Variants in LRP1B observed in about 807,000 individuals in gnomAD.
LRP1B encodes LDL receptor related protein 1B.
In LRP1B, 217 loss-of-function variants were observed where a neutral mutation model predicts 556.6. The ratio of observed to expected loss-of-function variants is 0.39; its 90% CI spans 0.35 to 0.44. The LOEUF is 0.44. Among genes scored for constraint, LRP1B ranks in the 20% least tolerant of loss-of-function variants. The probability of loss-of-function intolerance (pLI) is 1.00; values close to 1 mark genes in which losing one functional copy is unlikely to be tolerated. For missense variants in LRP1B, 5,053 were observed against 5,620.8 expected (o/e 0.90, Z 3.23); for synonymous variants, 2,047 against 1,865.8 (o/e 1.10, Z -2.50).
chr2:141,358,069 T>G (rs1284676943), intron 3 of LRP1B, among the ~76,000 whole-genome samples: 2 of 152,226 alleles, frequency 1.3e-5, no homozygotes, highest in African/African-American at 4.8e-5. Flanking sequence ...TACTTCTGAA[T>G]AGGGTATCAA....
intron 2 of LRP1B, among the ~76,000 whole-genome samples, chr2:141,722,707 CAGAT>C (rs750365958): frequency 4.7e-5 from 7 of 149,912 alleles, no homozygotes; most frequent in African/African-American, 1.7e-4. Context: ...ACATATAAGA[CAGAT>C]AGACAGGCAG....
intron 58 of LRP1B, among the ~76,000 whole-genome samples, chr2:140,487,232 C>A (rs1464512176): frequency 6.6e-6 from 1 of 151,826 alleles, no homozygotes; most frequent in East Asian, 1.9e-4. Flanking sequence ...TAATTTCAAT[C>A]CACACTGTAA....
Position 141,796,150 on chromosome 2 carries a change from G to C in LRP1B, c.205+14129C>G, listed in dbSNP as rs1002186674. ...AATTCTCTCACTCTGTCAAATATCA[G>C]TCAATACCCAAAAGTTTAAAACAAA... On this transcript the variant is annotated intron_variant, in intron 2 of 90. Coordinates refer to ENST00000389484, the MANE Select transcript of LRP1B (RefSeq NM_018557.3). Among the ~76,000 whole-genome samples, 4 of 151,508 alleles carry C rather than the reference G, an allele frequency of 2.6e-5. No individual in the cohort carries two copies. The East Asian group carries it at 7.8e-4, about 29-fold the overall frequency.
chr2:141,494,291 A>G (rs1683439668), intron 2 of LRP1B, among the ~76,000 whole-genome samples: 1 of 152,166 alleles, frequency 6.6e-6, no homozygotes, highest in South Asian at 2.1e-4. Context: ...TTTGTGCTAG[A>G]ACTGACACTG....
rs1394766463 is a variant in LRP1B at position 141,879,300 on chromosome 2, A to C, written c.83-68899T>G. ...TAAAAATATACTTGGGTAAATAAGG[A>C]ATTTCTCAACAATGTCATACGAGGG... is the stretch of plus-strand genomic sequence containing the variant. On this transcript the variant is annotated intron_variant, in intron 1 of 90. Transcript: ENST00000389484. 2.0e-5 allele frequency among the ~76,000 whole-genome samples: 3 copies of C among 151,884 alleles called. No individual in the cohort carries two copies. The East Asian group carries it at 5.8e-4, about 29-fold the overall frequency.
intron 2 of LRP1B, among the ~76,000 whole-genome samples, chr2:141,798,695 G>A (rs1414568767): frequency 1.7e-4 from 16 of 92,920 alleles, no homozygotes; most frequent in African/African-American, 6.6e-4. Context: ...AACAGAGTAA[G>A]ACTCTGTCTC....
chr2:141,931,443 T>C lies in LRP1B; in HGVS notation c.83-121042A>G, dbSNP rs1396911223. ...GAGGTCAGGAAAGGTTTGAGATTAA[T>C]CTCAAAGAGGAGGTAGAATTGTACT... On this transcript the variant is annotated intron_variant, in intron 1 of 90. Coordinates refer to ENST00000389484, the MANE Select transcript of LRP1B (RefSeq NM_018557.3). Among the ~76,000 whole-genome samples, 3 of 151,920 alleles carry C rather than the reference T, an allele frequency of 2.0e-5. No homozygotes were observed. In the East Asian group the frequency reaches 5.8e-4, roughly 29 times the overall value.
chr2:141,341,128 A>G (rs1178852767), intron 3 of LRP1B, among the ~76,000 whole-genome samples: 1 of 152,208 alleles, frequency 6.6e-6, no homozygotes, highest in Non-Finnish European at 1.5e-5. Context: ...TGCATTAAGT[A>G]TGATTGATAT....
intron 3 of LRP1B, among the ~76,000 whole-genome samples, chr2:141,401,886 T>C (rs1573904529): frequency 6.6e-6 from 1 of 152,210 alleles, no homozygotes; most frequent in Non-Finnish European, 1.5e-5. Flanking sequence ...GATCCTATAG[T>C]GAGCTCTCAA....
At chr2:140,394,124 A>ATT (rs34965660) in intron 66 of LRP1B, among the ~76,000 whole-genome samples, 5,255 of 122,392 alleles carry the variant, frequency 0.043, 149 homozygotes, top group Non-Finnish European at 0.049. Flanking sequence ...ACTGGCACAT[A>ATT]TTTTTTTTTT....
chr2:140,340,730 G>T (rs1681347910), intron 77 of LRP1B, among the ~76,000 whole-genome samples: 1 of 150,746 alleles, frequency 6.6e-6, no homozygotes, highest in African/African-American at 2.4e-5. Context: ...CCAAAGTTTT[G>T]TTTTTTTTCT....
intron 3 of LRP1B, among the ~76,000 whole-genome samples, chr2:141,275,441 G>T (rs1483024713): frequency 1.3e-5 from 2 of 152,198 alleles, no homozygotes; most frequent in African/African-American, 4.8e-5. Flanking sequence ...GGGTGTGGTG[G>T]CTCATGCCTG....
chr2:140,731,062 C>T (rs1446244105), intron 35 of LRP1B, among the ~76,000 whole-genome samples: 1 of 152,140 alleles, frequency 6.6e-6, no homozygotes, highest in African/African-American at 2.4e-5. Flanking sequence ...TTTTCTCCTG[C>T]CATTTCCTCT....
chr2:141,563,966 ACACAACATATC>A (rs1686247462), intron 2 of LRP1B, among the ~76,000 whole-genome samples: 1 of 152,092 alleles, frequency 6.6e-6, no homozygotes, highest in African/African-American at 2.4e-5. Flanking sequence ...CCTCGGCAAC[ACACAACATATC>A]CACGTAACAA....
chr2:140,275,339 C>G (rs1682626071), intron 84 of LRP1B, among the ~76,000 whole-genome samples: 1 of 152,012 alleles, frequency 6.6e-6, no homozygotes, highest in African/African-American at 2.4e-5. Context: ...TTCTTCTTCC[C>G]CTGGCCCTTT....
intron 79 of LRP1B, among the ~76,000 whole-genome samples, chr2:140,331,206 T>C (rs1451747417): frequency 6.6e-6 from 1 of 151,820 alleles, no homozygotes; most frequent in East Asian, 1.9e-4. Flanking sequence ...ATAAAGAAAA[T>C]GTGGTACATA....
At chr2:140,431,619 C>A (rs1685947942) in intron 66 of LRP1B, among the ~76,000 whole-genome samples, 1 of 152,208 alleles carries the variant, frequency 6.6e-6, no homozygotes, top group Non-Finnish European at 1.5e-5. Context: ...CGGGACTATG[C>A]TGAATCTCCT....
At position 141,753,751 on chromosome 2, in the gene LRP1B, C is replaced by T. The variant is rs556411286; in HGVS notation, c.205+56528G>A. On this transcript the variant is annotated intron_variant, in intron 2 of 90. Transcript: ENST00000389484. ...TGCATAGGATACTTTCTCCGATCTACTGGCTAAAGTTGCCCCTCAGTGCAA... is the reference window on the plus strand; with the variant it reads ...TGCATAGGATACTTTCTCCGATCTATTGGCTAAAGTTGCCCCTCAGTGCAA... Among the ~76,000 whole-genome samples, 16 of 152,280 alleles carry T rather than the reference C, an allele frequency of 1.1e-4. No individual in the cohort carries two copies. In the South Asian group the frequency reaches 2.9e-3, roughly 28 times the overall value.
At chr2:141,001,343 T>A (rs1244810776) in intron 15 of LRP1B, among the ~76,000 whole-genome samples, 1 of 152,068 alleles carries the variant, frequency 6.6e-6, no homozygotes, top group African/African-American at 2.4e-5. Flanking sequence ...TTTTATACTT[T>A]AAGTTCTAGG....
Sources: gnomAD v4.1 joint callset for allele counts (sites outside exome capture counted in the v4.1 genomes callset) on GRCh38, gnomAD v4.1.1 for gene constraint, MANE v1.5 for transcripts, NCBI Gene and HGNC (gene_info 2026-07-23, HGNC 2026-07-21) for gene names.